CD300LB: variants seen among roughly 807,000 people sequenced by gnomAD.
CD300LB encodes CMRF35-like molecule 7.
CD300LB carries 18 observed loss-of-function variants against 20.8 expected under a neutral mutation model. That is an observed-to-expected ratio of 0.87 (90% confidence interval 0.60 to 1.28). CD300LB has a LOEUF of 1.28. Among genes scored for constraint, CD300LB ranks in the 50% most tolerant of loss-of-function variants. The pLI is 0.00. For missense variants in CD300LB, 222 were observed against 251.8 expected (o/e 0.88, Z 0.80); for synonymous variants, 91 against 91.3 (o/e 1.00, Z 0.02).
At chr17:74,523,061 G>T in intron 3 of CD300LB, 161 bp from the exon 4 acceptor site, 2 of 652,490 alleles carry the variant, frequency 3.1e-6, no homozygotes, top group South Asian at 2.0e-5. Flanking sequence ...ACCTCAAGGG[G>T]TCCTCCAACA....
At chr17:74,530,570 C>T (rs971418088) in intron 1 of CD300LB, among the ~76,000 whole-genome samples, 14 of 136,132 alleles carry the variant, frequency 1.0e-4, no homozygotes, top group Non-Finnish European at 1.6e-4. Context: ...CACACACACA[C>T]ACACACACAC....
intron 3 of CD300LB, 120 bp downstream of exon 3, chr17:74,523,459 G>T: frequency 1.3e-6 from 1 of 743,674 alleles, no homozygotes. Context: ...GGGTGGGCTT[G>T]GGGCCTTGAC....
At chr17:74,526,218 T>C in intron 1 of CD300LB, 141 bp from the exon 2 acceptor site, 1 of 1,243,516 alleles carries the variant, frequency 8.0e-7, no homozygotes, top group East Asian at 2.4e-5. Flanking sequence ...CCTGAGCCAG[T>C]TTGGTGTTTA....
At chr17:74,527,457 TCTC>T (rs1351462728) in intron 1 of CD300LB, among the ~76,000 whole-genome samples, 5 of 152,216 alleles carry the variant, frequency 3.3e-5, no homozygotes, top group African/African-American at 4.8e-5. Context: ...GCTTGGGCCT[TCTC>T]CTTGAAGCTG....
intron 2 of CD300LB, among the ~76,000 whole-genome samples, chr17:74,524,820 G>A (rs1907982954): frequency 6.6e-6 from 1 of 152,094 alleles, no homozygotes; most frequent in Admixed American, 6.5e-5. Context: ...TGTACCGCCT[G>A]CATGTCTTGC....
chr17:74,530,344 C>T (rs901632922), intron 1 of CD300LB, among the ~76,000 whole-genome samples: 7 of 152,200 alleles, frequency 4.6e-5, no homozygotes, highest in Admixed American at 2.6e-4. Context: ...TCTAGCCCTT[C>T]CCACTTTCCA....
chr17:74,521,386 G>A lies in CD300LB; in HGVS notation c.*1352C>T, dbSNP rs919319468. ...ATCCAGGAAAGCATTCCAGGAGGTA[G>A]GGCCCTGGGGCTGGTGGACTGTGGG... On this transcript the variant is annotated 3_prime_UTR_variant, in exon 4 of 4. Coordinates refer to ENST00000392621, the MANE Select transcript of CD300LB (RefSeq NM_174892.4). The A allele has an allele frequency of 6.1e-6, 6 of 985,462 alleles. No homozygotes were observed. Among genetic ancestry groups the A allele is most frequent in the African/African-American group, 1.7e-5 (1 of 57,262 alleles). 61.0% of individuals were successfully genotyped at this position (985,462 alleles called of 1,614,324 possible).
chr17:74,523,499 G>A (rs61162320), intron 3 of CD300LB, 80 bp downstream of exon 3: 50 of 984,362 alleles, frequency 5.1e-5, no homozygotes, highest in African/African-American at 3.8e-4. Context: ...GGCATTTGGT[G>A]ACAGGCAGGA....
intron 1 of CD300LB, among the ~76,000 whole-genome samples, chr17:74,526,879 G>A (rs986695686): frequency 1.3e-5 from 2 of 152,166 alleles, no homozygotes; most frequent in Non-Finnish European, 2.9e-5. Flanking sequence ...CACACTGCGG[G>A]GGTACCCAGG....
intron 2 of CD300LB, among the ~76,000 whole-genome samples, chr17:74,523,947 C>G (rs1427765922): frequency 6.6e-6 from 1 of 152,134 alleles, no homozygotes; most frequent in East Asian, 1.9e-4. Flanking sequence ...TTCCACCTAT[C>G]CTGCAAGTGG....
chr17:74,522,559 C>T lies in CD300LB; in HGVS notation c.*179G>A. 7.2e-7 allele frequency: 1 copy of T among 1,395,994 alleles called. No individual in the cohort carries two copies. Among genetic ancestry groups the T allele is most frequent in the Non-Finnish European group, 9.3e-7 (1 of 1,074,320 alleles). 86.5% of individuals were successfully genotyped at this position (1,395,994 alleles called of 1,614,324 possible). A position where few individuals can be genotyped will look rare whatever the true frequency, so the allele number is the denominator to read the frequency against. On this transcript the variant is annotated 3_prime_UTR_variant, in exon 4 of 4. Coordinates refer to ENST00000392621, the MANE Select transcript of CD300LB (RefSeq NM_174892.4). Reference sequence around the variant, plus strand: ...AGGTGATGGTGGCTCAGGAGAGGACCTGGCTAAGTCCCTGAGCTGTGCAGA... The same window carrying T: ...AGGTGATGGTGGCTCAGGAGAGGACTTGGCTAAGTCCCTGAGCTGTGCAGA...
intron 1 of CD300LB, among the ~76,000 whole-genome samples, chr17:74,529,542 G>A (rs7219638): frequency 0.082 from 12,478 of 152,098 alleles, 1,392 homozygotes; most frequent in African/African-American, 0.25. Context: ...CTGTATTCCC[G>A]CACTTTGGGA....
chr17:74,523,463 C>G, intron 3 of CD300LB, 116 bp downstream of exon 3: 1 of 758,832 alleles, frequency 1.3e-6, no homozygotes, highest in South Asian at 1.4e-5. Flanking sequence ...GGGCTTGGGG[C>G]CTTGACTCTG....
intron 1 of CD300LB, among the ~76,000 whole-genome samples, chr17:74,527,065 C>T (rs1014029169): frequency 2.0e-5 from 3 of 152,262 alleles, no homozygotes; most frequent in African/African-American, 7.2e-5. Context: ...GTCTCCACCC[C>T]AGATTCCTTC....
At chr17:74,526,155 C>T in intron 1 of CD300LB, 78 bp from the exon 2 acceptor site, 2 of 1,531,868 alleles carry the variant, frequency 1.3e-6, no homozygotes, top group Non-Finnish European at 1.8e-6. Context: ...GACTCTGGGC[C>T]TTGGATGGAG....
At chr17:74,524,145 G>C (rs753003350) in intron 2 of CD300LB, among the ~76,000 whole-genome samples, 1 of 152,222 alleles carries the variant, frequency 6.6e-6, no homozygotes, top group Non-Finnish European at 1.5e-5. Flanking sequence ...CATCGACTAT[G>C]AGAAACGGAA....
At position 74,531,467 on chromosome 17, in the gene CD300LB, C is replaced by A. The variant is rs752080696; in HGVS notation, c.-117G>T. On this transcript the variant is annotated 5_prime_UTR_variant, in exon 1 of 4. Coordinates refer to ENST00000392621, the MANE Select transcript of CD300LB (RefSeq NM_174892.4). ...GGCTTGCACCTTCTGCACATCTAGA[C>A]CGCCTTTGACTTTCTTACTCATTCA... 6.4e-7 allele frequency: 1 copy of A among 1,561,816 alleles called. No individual in the cohort carries two copies. Among genetic ancestry groups the A allele is most frequent in the Non-Finnish European group, 8.7e-7 (1 of 1,154,650 alleles).
At chr17:74,528,131 A>T (rs1460418010) in intron 1 of CD300LB, among the ~76,000 whole-genome samples, 1 of 152,016 alleles carries the variant, frequency 6.6e-6, no homozygotes, top group East Asian at 1.9e-4. Context: ...TAGGGCTCCC[A>T]CTGATTCTAC....
In CD300LB at chr17:74,528,841, A is replaced by G. The variant is rs568456570; in HGVS notation, c.40+2470T>C. On this transcript the variant is annotated intron_variant, in intron 1 of 3. Coordinates refer to ENST00000392621, the MANE Select transcript of CD300LB (RefSeq NM_174892.4). ...CTTTGAAGGTGGTAATAGGACTTGG[A>G]TGTGTGTAGGCTGGGCAAGGTGGCT... Among the ~76,000 whole-genome samples the G allele has an allele frequency of 2.6e-5, 4 of 152,238 alleles. No individual in the cohort carries two copies. In the South Asian group the frequency reaches 8.3e-4, roughly 32 times the overall value.
Sources: gnomAD v4.1 joint callset for allele counts (sites outside exome capture counted in the v4.1 genomes callset) on GRCh38, gnomAD v4.1.1 for gene constraint, MANE v1.5 for transcripts, NCBI Gene and HGNC (gene_info 2026-07-23, HGNC 2026-07-21) for gene names.